The following WIF1 variants were observed in gnomAD, a reference collection of about 807,000 sequenced individuals.
WIF1 encodes the protein Wnt inhibitory factor 1.
WIF1 carries 35 observed loss-of-function variants against 53.5 expected under a neutral mutation model. The ratio of observed to expected loss-of-function variants is 0.65; its 90% confidence interval spans 0.50 to 0.87. The LOEUF is 0.87. Ranked by LOEUF, WIF1 falls within the 40% of genes least tolerant of loss-of-function variation. The probability of loss-of-function intolerance (pLI) is 0.00; values close to 1 mark genes in which losing one functional copy is unlikely to be tolerated. For synonymous variants in WIF1, 171 were observed against 170.4 expected (o/e 1.00, Z -0.03); for missense variants, 467 against 476.8 (o/e 0.98, Z 0.19).
chr12:65,068,936 T>C (rs1425387255), intron 3 of WIF1, 32 bp from the exon 4 acceptor site: 1 of 1,603,648 alleles, frequency 6.2e-7, no homozygotes, highest in Admixed American at 1.7e-5. Flanking sequence ...TGTGGAGAAA[T>C]AGTTAATCTA....
intron 2 of WIF1, among the ~76,000 whole-genome samples, chr12:65,118,218 G>T (rs914842628): frequency 6.6e-6 from 1 of 152,212 alleles, no homozygotes; most frequent in African/African-American, 2.4e-5. Context: ...ATAATGAAAT[G>T]AAATTTTCAT....
intron 2 of WIF1, among the ~76,000 whole-genome samples, chr12:65,081,797 T>A (rs1041286805): frequency 1.3e-5 from 2 of 152,052 alleles, no homozygotes; most frequent in African/African-American, 4.8e-5. Context: ...TAAAAAAGAT[T>A]TTGTCTGTGG....
chr12:65,082,334 T>C (rs1882962579), intron 2 of WIF1, among the ~76,000 whole-genome samples: 1 of 152,152 alleles, frequency 6.6e-6, no homozygotes, highest in Non-Finnish European at 1.5e-5. Flanking sequence ...TGAACAGTAA[T>C]AGAGAAATGG....
rs774089787 is a variant in WIF1, at chr12:65,068,803, T to C, written c.499A>G (p.Thr167Ala). The change falls in exon 4 of 10, where the codon ACA becomes GCA. Residue 167 changes from threonine to alanine, a missense_variant. Thr to Ala is a moderately conservative substitution (Grantham distance 58, BLOSUM62 0). Coordinates refer to ENST00000286574, the MANE Select transcript of WIF1 (RefSeq NM_007191.5). ...TTAAAGAAGATAGCATTTTGAGGTG[T>C]TTGGAGAATGGTGTTGCCTTCAGAA... is the stretch of plus-strand genomic sequence containing the variant. The part of the protein sequence containing the change: ...MNSEGNTILQ[T>A]PQNAIFFKTC... The C allele has an allele frequency of 6.2e-7, 1 of 1,613,664 alleles. No homozygotes were observed. The highest frequency in any genetic ancestry group is 1.1e-5 in the South Asian group (1 of 91,070).
At chr12:65,116,899 C>A (rs1172838569) in intron 2 of WIF1, among the ~76,000 whole-genome samples, 1 of 138,618 alleles carries the variant, frequency 7.2e-6, no homozygotes, top group East Asian at 2.2e-4. Flanking sequence ...CCCCACTACA[C>A]TCCAGCCTGG....
At chr12:65,065,591 C>A (rs11175637) in intron 6 of WIF1, among the ~76,000 whole-genome samples, 12 of 152,138 alleles carry the variant, frequency 7.9e-5, no homozygotes, top group East Asian at 3.9e-4. Flanking sequence ...ACAACAACAA[C>A]AAAAAACTGC....
At chr12:65,088,797 A>G (rs1316164038) in intron 2 of WIF1, among the ~76,000 whole-genome samples, 2 of 151,278 alleles carry the variant, frequency 1.3e-5, no homozygotes, top group African/African-American at 4.9e-5. Flanking sequence ...ATTGCACCTC[A>G]AAAAAAAAGT....
At chr12:65,074,351 A>G (rs1882826570) in intron 3 of WIF1, among the ~76,000 whole-genome samples, 1 of 152,032 alleles carries the variant, frequency 6.6e-6, no homozygotes. Flanking sequence ...ATAACTGGTA[A>G]TTAATTAATG....
chr12:65,091,935 T>C (rs996292301), intron 2 of WIF1, among the ~76,000 whole-genome samples: 3 of 152,152 alleles, frequency 2.0e-5, no homozygotes, highest in Non-Finnish European at 4.4e-5. Flanking sequence ...CTCTTGGCCC[T>C]CATGGAGCCT....
chr12:65,106,340 G>A (rs1883351002), intron 2 of WIF1, among the ~76,000 whole-genome samples: 1 of 150,948 alleles, frequency 6.6e-6, no homozygotes, highest in Admixed American at 6.6e-5. Context: ...ATGATTAACA[G>A]AATCATATAT....
At chr12:65,103,296 C>G (rs1245248917) in intron 2 of WIF1, among the ~76,000 whole-genome samples, 3 of 152,148 alleles carry the variant, frequency 2.0e-5, no homozygotes, top group African/African-American at 4.8e-5. Context: ...ACTGAATGAA[C>G]TTAATGGGAT....
intron 2 of WIF1, among the ~76,000 whole-genome samples, chr12:65,118,012 G>T (rs191958222): frequency 2.0e-4 from 31 of 152,274 alleles, no homozygotes; most frequent in East Asian, 1.7e-3. Context: ...TTCGTTACTG[G>T]ACTAATAATT....
At chr12:65,072,062 T>C (rs1882781812) in intron 3 of WIF1, among the ~76,000 whole-genome samples, 1 of 152,186 alleles carries the variant, frequency 6.6e-6, no homozygotes, top group Admixed American at 6.6e-5. Context: ...ATTTAGGTAA[T>C]AATATTTATA....
At chr12:65,093,542 C>A (rs1230890988) in intron 2 of WIF1, among the ~76,000 whole-genome samples, 1 of 151,846 alleles carries the variant, frequency 6.6e-6, no homozygotes, top group Admixed American at 6.6e-5. Context: ...AGATGTATAC[C>A]TATTTAATGG....
At chr12:65,120,639 A>G in intron 1 of WIF1, 83 bp from the exon 2 acceptor site, 1 of 1,492,668 alleles carries the variant, frequency 6.7e-7, no homozygotes, top group Non-Finnish European at 9.0e-7. Flanking sequence ...AAGAAAACCA[A>G]AGAATTAGTG....
intron 2 of WIF1, chr12:65,083,691 C>T (rs151179043): frequency 3.1e-6 from 1 of 322,778 alleles, no homozygotes; most frequent in African/African-American, 2.2e-5. Flanking sequence ...GTGCATGGAG[C>T]CTGGTTCATT....
intron 2 of WIF1, among the ~76,000 whole-genome samples, chr12:65,107,129 A>G (rs1883363307): frequency 6.6e-6 from 1 of 152,228 alleles, no homozygotes; most frequent in South Asian, 2.1e-4. Flanking sequence ...CAATGTTGAG[A>G]TGAAAAATTC....
chr12:65,089,296 C>T (rs1349954991), intron 2 of WIF1, among the ~76,000 whole-genome samples: 1 of 152,052 alleles, frequency 6.6e-6, no homozygotes, highest in Non-Finnish European at 1.5e-5. Flanking sequence ...TCTTTCTTAC[C>T]AACTACCTCC....
intron 2 of WIF1, among the ~76,000 whole-genome samples, chr12:65,090,741 G>A (rs574506851): frequency 1.3e-5 from 2 of 152,290 alleles, no homozygotes; most frequent in South Asian, 4.1e-4. Flanking sequence ...ACTTTGCAGT[G>A]CTGTTGTGAG....
Sources: gnomAD v4.1 joint callset for allele counts (sites outside exome capture counted in the v4.1 genomes callset) on GRCh38, gnomAD v4.1.1 for gene constraint, MANE v1.5 for transcripts, NCBI Gene and HGNC (gene_info 2026-07-23, HGNC 2026-07-21) for gene names.